Variants in DPP6 observed in about 807,000 individuals in gnomAD.
The protein encoded by DPP6 is dipeptidyl peptidase like 6, also known as A-type potassium channel modulatory protein DPP6.
A neutral mutation model predicts 122.6 loss-of-function variants in DPP6; 69 were observed. The ratio of observed to expected loss-of-function variants is 0.56; its 90% confidence interval spans 0.46 to 0.69. The LOEUF (loss-of-function observed/expected upper bound fraction) is 0.69, where lower values mean the gene tolerates loss of function less well. Among genes scored for constraint, DPP6 ranks in the 30% least tolerant of loss-of-function variants. DPP6 has a pLI of 0.00. For synonymous variants in DPP6, 418 were observed against 433.1 expected (o/e 0.97, Z 0.43); for missense variants, 928 against 1,116.9 (o/e 0.83, Z 2.41).
chr7:154,480,338 C>G (rs1435361721), intron 3 of DPP6, among the ~76,000 whole-genome samples: 1 of 152,154 alleles, frequency 6.6e-6, no homozygotes, highest in Admixed American at 6.5e-5. Flanking sequence ...TAAATCCACT[C>G]CCGTTAGGCT....
At chr7:154,201,213 C>T (rs4431511) in intron 1 of DPP6, among the ~76,000 whole-genome samples, 102,247 of 151,926 alleles carry the variant, frequency 0.67, 37,005 homozygotes, top group Non-Finnish European at 0.8. Context: ...CTGCAACCTC[C>T]GCCTCCTGGA....
chr7:154,860,082 CA>C (rs1267427951), intron 17 of DPP6, among the ~76,000 whole-genome samples: 2 of 152,174 alleles, frequency 1.3e-5, no homozygotes, highest in Non-Finnish European at 2.9e-5. Context: ...TGTAAGAAAG[CA>C]AAAACAGCCC....
chr7:154,488,729 T>C (rs1233381719), intron 3 of DPP6, among the ~76,000 whole-genome samples: 2 of 152,134 alleles, frequency 1.3e-5, no homozygotes. Flanking sequence ...ATCTTCCAAC[T>C]GGATGGGGCC....
rs139481468 is a variant in DPP6, at chr7:154,614,807, G to A, written c.628-23014G>A. The stretch of plus-strand genomic sequence containing the variant: ...TAATTATTGTAAGTCATTTCTGTTA[G>A]ACATTTATAGAGAACTTGCCTTTGA... On this transcript the variant is annotated intron_variant, in intron 5 of 25. Transcript: ENST00000377770. Among the ~76,000 whole-genome samples the A allele has an allele frequency of 9.2e-5, 14 of 152,320 alleles. No individual in the cohort carries two copies. The East Asian group carries it at 2.1e-3, about 23-fold the overall frequency.
At chr7:153,925,732 A>C (rs1800867611) in intron 1 of DPP6, among the ~76,000 whole-genome samples, 1 of 152,132 alleles carries the variant, frequency 6.6e-6, no homozygotes, top group Non-Finnish European at 1.5e-5. Flanking sequence ...GTTTGGATGA[A>C]CGGAGATCAT....
At chr7:154,637,180 G>A (rs754346569) in intron 5 of DPP6, among the ~76,000 whole-genome samples, 1 of 152,094 alleles carries the variant, frequency 6.6e-6, no homozygotes, top group Non-Finnish European at 1.5e-5. Context: ...AAAGGCGTCC[G>A]AGATTTGAGG....
intron 13 of DPP6, among the ~76,000 whole-genome samples, chr7:154,802,906 C>T (rs2150452863): frequency 6.6e-6 from 1 of 152,200 alleles, no homozygotes; most frequent in South Asian, 2.1e-4. Context: ...TGTATTTATC[C>T]AAGTTGCCAT....
intron 1 of DPP6, among the ~76,000 whole-genome samples, chr7:154,066,742 A>G (rs1802757456): frequency 6.6e-6 from 1 of 151,948 alleles, no homozygotes; most frequent in Non-Finnish European, 1.5e-5. Flanking sequence ...TCATTCATCT[A>G]TGACAAACTT....
At chr7:154,322,215 C>T (rs1808035007) in intron 1 of DPP6, among the ~76,000 whole-genome samples, 1 of 152,134 alleles carries the variant, frequency 6.6e-6, no homozygotes, top group Admixed American at 6.6e-5. Context: ...GCAGTATGAG[C>T]CCACATTCTG....
chr7:154,741,032 G>A (rs935628775), intron 8 of DPP6, among the ~76,000 whole-genome samples: 1 of 152,192 alleles, frequency 6.6e-6, no homozygotes, highest in African/African-American at 2.4e-5. Flanking sequence ...CCACGTCAGA[G>A]CTCCCTGCAC....
At chr7:154,020,445 T>A (rs1246637368) in intron 1 of DPP6, among the ~76,000 whole-genome samples, 1 of 151,642 alleles carries the variant, frequency 6.6e-6, no homozygotes, top group Non-Finnish European at 1.5e-5. Flanking sequence ...GTGCAGGAAG[T>A]GTTAGAGAAC....
At chr7:153,977,883 C>T (rs897541801) in intron 1 of DPP6, among the ~76,000 whole-genome samples, 1 of 152,086 alleles carries the variant, frequency 6.6e-6, no homozygotes, top group African/African-American at 2.4e-5. Flanking sequence ...AGGACACGAA[C>T]TCATTCTTTT....
chr7:154,097,706 C>G (rs1202345203), intron 1 of DPP6, among the ~76,000 whole-genome samples: 1 of 152,228 alleles, frequency 6.6e-6, no homozygotes, highest in African/African-American at 2.4e-5. Flanking sequence ...TACTCTGGCT[C>G]AGGCCTTCCA....
chr7:154,191,257 C>T (rs1008057099), intron 1 of DPP6, among the ~76,000 whole-genome samples: 1 of 152,152 alleles, frequency 6.6e-6, no homozygotes, highest in Non-Finnish European at 1.5e-5. Flanking sequence ...ATTACATGGT[C>T]ACGGGCATCT....
At chr7:154,762,898 G>C (rs1383221387) in intron 8 of DPP6, among the ~76,000 whole-genome samples, 1 of 152,234 alleles carries the variant, frequency 6.6e-6, no homozygotes, top group East Asian at 1.9e-4. Context: ...GCCTCCGATG[G>C]TGCAATGAAA....
Position 154,063,373 on chromosome 7 carries a change from C to G in DPP6, c.243+10310C>G. Reference sequence around the variant, plus strand: ...CCCCATTGCAGGAGGGTGTGGCACCCCCCACGAGGGTGGGGACTGAGAGCT... The same window carrying G: ...CCCCATTGCAGGAGGGTGTGGCACCGCCCACGAGGGTGGGGACTGAGAGCT... On this transcript the variant is annotated intron_variant, in intron 1 of 25. Transcript: ENST00000377770. Among the ~76,000 whole-genome samples the G allele has an allele frequency of 1.5e-5, 2 of 135,308 alleles. 1 individual carries two copies. The highest frequency in any genetic ancestry group is 4.6e-4 in the East Asian group (2 of 4,350). 88.8% of individuals were successfully genotyped at this position (135,308 alleles called of 152,430 possible).
intron 7 of DPP6, among the ~76,000 whole-genome samples, chr7:154,696,233 A>G (rs1840210962): frequency 6.6e-6 from 1 of 152,194 alleles, no homozygotes; most frequent in Admixed American, 6.5e-5. Context: ...CACGGGGCAC[A>G]GCCACCCGGG....
At chr7:154,542,485 A>C (rs1429803529) in intron 4 of DPP6, among the ~76,000 whole-genome samples, 1 of 152,230 alleles carries the variant, frequency 6.6e-6, no homozygotes. Flanking sequence ...AATGAAATAC[A>C]TGAATGTGAA....
chr7:154,642,979 T>A (rs10267843), intron 6 of DPP6, among the ~76,000 whole-genome samples: 40 of 152,142 alleles, frequency 2.6e-4, no homozygotes, highest in African/African-American at 9.7e-4. Context: ...TTAGTTAATA[T>A]TGTAGTATGT....
Sources: gnomAD v4.1 joint callset for allele counts (sites outside exome capture counted in the v4.1 genomes callset) on GRCh38, gnomAD v4.1.1 for gene constraint, MANE v1.5 for transcripts, NCBI Gene and HGNC (gene_info 2026-07-23, HGNC 2026-07-21) for gene names.